KLRG1: variants seen among roughly 807,000 people sequenced by gnomAD.
The protein encoded by KLRG1 is killer cell lectin-like receptor subfamily G member 1.
A neutral mutation model predicts 21.8 loss-of-function variants in KLRG1; 16 were observed. The ratio of observed to expected loss-of-function variants is 0.73; its 90% CI spans 0.50 to 1.11. The LOEUF (loss-of-function observed/expected upper bound fraction) is 1.11, where lower values mean the gene tolerates loss of function less well. Among genes scored for constraint, KLRG1 ranks in the 50% most tolerant of loss-of-function variants. The pLI is 0.00. For synonymous variants in KLRG1, 69 were observed against 75.9 expected (o/e 0.91, Z 0.47); for missense variants, 173 against 218.3 (o/e 0.79, Z 1.31).
the KLRG1 span, among the ~76,000 whole-genome samples, chr12:9,177,690 G>A: frequency 6.6e-6 from 1 of 152,058 alleles, no homozygotes; most frequent in Non-Finnish European, 1.5e-5. Flanking sequence ...TATTCAAAGC[G>A]ACCACGCTTA....
At chr12:9,068,765 C>G in the KLRG1 span, 1 of 1,607,572 alleles carries the variant, frequency 6.2e-7, no homozygotes, top group Non-Finnish European at 8.5e-7. Flanking sequence ...CATAGACTTT[C>G]ACTATGGCTG....
chr12:9,079,585 G>T, the KLRG1 span: 1 of 1,528,174 alleles, frequency 6.5e-7, no homozygotes, highest in South Asian at 1.2e-5. Flanking sequence ...AAACCTACTG[G>T]GAAATCCAGT....
At chr12:9,064,665 C>G in the KLRG1 span, 1 of 154,188 alleles carries the variant, frequency 6.5e-6, no homozygotes, top group Non-Finnish European at 1.5e-5. The surrounding 1 kb of genome is among the most constrained non-coding windows in gnomAD (Gnocchi z 4.0). Context: ...AGTCGCCCGC[C>G]GGAGGGGAAG....
chr12:9,150,525 C>A, the KLRG1 span: 1 of 676,172 alleles, frequency 1.5e-6, no homozygotes. Flanking sequence ...TAGTGTACAT[C>A]TTGGAGGAAA....
chr12:9,033,270 C>T, the KLRG1 span, among the ~76,000 whole-genome samples: 4 of 152,034 alleles, frequency 2.6e-5, no homozygotes, highest in African/African-American at 9.6e-5. Context: ...GTCATCATCT[C>T]TAACAAAAAT....
the KLRG1 span, chr12:9,072,609 T>C: frequency 1.2e-6 from 2 of 1,601,156 alleles, no homozygotes; most frequent in Non-Finnish European, 1.7e-6. Context: ...AGAGAACAGC[T>C]GCTGTCCTCA....
chr12:9,153,897 C>T, the KLRG1 span, among the ~76,000 whole-genome samples: 34 of 152,204 alleles, frequency 2.2e-4, 1 homozygote, highest in African/African-American at 7.0e-4. Context: ...TTTATACTCT[C>T]GATAAAATAC....
the KLRG1 span, among the ~76,000 whole-genome samples, chr12:9,154,431 C>T: frequency 6.6e-6 from 1 of 152,182 alleles, no homozygotes; most frequent in Non-Finnish European, 1.5e-5. Context: ...TAACATAGGG[C>T]TTAGTGAAAA....
the KLRG1 span, chr12:9,090,366 T>C: frequency 6.2e-6 from 10 of 1,613,926 alleles, no homozygotes; most frequent in East Asian, 6.7e-5. Context: ...CTAATGACTT[T>C]GGGGTTACTG....
At chr12:9,004,555 A>C (rs1947410926) in intron 3 of KLRG1, among the ~76,000 whole-genome samples, 1 of 152,116 alleles carries the variant, frequency 6.6e-6, no homozygotes, top group Non-Finnish European at 1.5e-5. Context: ...TTTAGCCTCA[A>C]ACTCCTGGGC....
chr12:9,205,371 T>G, the KLRG1 span, among the ~76,000 whole-genome samples: 5 of 152,134 alleles, frequency 3.3e-5, no homozygotes, highest in South Asian at 1.0e-3. Flanking sequence ...GTGTTTTTGT[T>G]GTTGCTGTTT....
the KLRG1 span, among the ~76,000 whole-genome samples, chr12:9,143,391 TG>T: frequency 2.0e-5 from 3 of 151,988 alleles, no homozygotes; most frequent in African/African-American, 7.2e-5. Flanking sequence ...AGTTTGGGGC[TG>T]AGGGTTCGGA....
chr12:9,022,406 A>G, the KLRG1 span, among the ~76,000 whole-genome samples: 1 of 152,212 alleles, frequency 6.6e-6, no homozygotes, highest in Admixed American at 6.5e-5. Context: ...CTTTGTTGAC[A>G]GAAACATTGT....
chr12:9,044,566 C>T, the KLRG1 span, among the ~76,000 whole-genome samples: 1 of 152,012 alleles, frequency 6.6e-6, no homozygotes, highest in South Asian at 2.1e-4. Context: ...ACCTGGGAGG[C>T]TGAGGCAGGA....
In KLRG1 at chr12:9,010,300, C is replaced by T. The variant is rs1805716; in HGVS notation, c.*763C>T. On this transcript the variant is annotated 3_prime_UTR_variant, in exon 5 of 5. Coordinates refer to ENST00000356986, the MANE Select transcript of KLRG1 (RefSeq NM_005810.4). ...ACGTAATGCAAAAACCCGGTCTTAA[C>T]TGATTTTGTTTTTTTTCTGAGTATG... 93,338 of 350,576 alleles carry T rather than the reference C, an allele frequency of 0.27. 13,770 individuals carry two copies. Among genetic ancestry groups the T allele is most frequent in the East Asian group, 0.41 (8,256 of 20,238 alleles). 21.7% of individuals were successfully genotyped at this position (350,576 alleles called of 1,614,324 possible). A position where few individuals can be genotyped will look rare whatever the true frequency, so the allele number is the denominator to read the frequency against.
At chr12:9,068,130 G>C in the KLRG1 span, 1 of 1,594,140 alleles carries the variant, frequency 6.3e-7, no homozygotes, top group Non-Finnish European at 8.6e-7. Context: ...GAAGGTTTGG[G>C]GGGCAAGCTG....
the KLRG1 span, among the ~76,000 whole-genome samples, chr12:9,020,271 A>G: frequency 6.6e-6 from 1 of 152,196 alleles, no homozygotes; most frequent in Non-Finnish European, 1.5e-5. Context: ...AGTGGGATAT[A>G]TTTAAAGAGT....
chr12:9,157,046 C>T, the KLRG1 span: 2 of 785,998 alleles, frequency 2.5e-6, no homozygotes, highest in South Asian at 4.7e-5. Context: ...TATTAGGTCC[C>T]CCATGCATTA....
chr12:9,175,671 G>C, the KLRG1 span, among the ~76,000 whole-genome samples: 1 of 152,066 alleles, frequency 6.6e-6, no homozygotes, highest in African/African-American at 2.4e-5. Flanking sequence ...ATTCTCAAAA[G>C]AAAACATACA....
Sources: gnomAD v4.1 joint callset for allele counts (sites outside exome capture counted in the v4.1 genomes callset) on GRCh38, gnomAD v4.1.1 for gene constraint, Gnocchi (gnomAD v3.1) non-coding constraint, MANE v1.5 for transcripts, NCBI Gene and HGNC (gene_info 2026-07-23, HGNC 2026-07-21) for gene names.